GPHN: variants seen among roughly 807,000 people sequenced by gnomAD.
GPHN encodes the protein gephyrin.
In GPHN, 17 loss-of-function variants were observed where a neutral mutation model predicts 95.5. The ratio of observed to expected loss-of-function variants is 0.18; its 90% CI spans 0.12 to 0.27. The LOEUF (loss-of-function observed/expected upper bound fraction) is 0.27, where lower values mean the gene tolerates loss of function less well. GPHN is among the 10% of genes least tolerant of loss of function. The pLI, the probability that GPHN is intolerant of heterozygous loss-of-function variation, is 1.00. For synonymous variants in GPHN, 320 were observed against 322.5 expected, an observed-to-expected ratio of 0.99 and a Z score of 0.08; for missense variants, 660 against 978.1, an observed-to-expected ratio of 0.67 and a Z score of 4.34.
intron 18 of GPHN, among the ~76,000 whole-genome samples, chr14:67,144,248 A>ATATAT (rs1205670543): frequency 2.4e-3 from 149 of 62,404 alleles, no homozygotes; most frequent in South Asian, 3.8e-3. Context: ...AAAAAAAAAA[A>ATATAT]AAATATATAT....
chr14:67,049,713 A>G (rs1200086092), intron 10 of GPHN, among the ~76,000 whole-genome samples: 2 of 152,028 alleles, frequency 1.3e-5, no homozygotes, highest in Admixed American at 6.5e-5. Context: ...GGGTTTCACC[A>G]TGTTGGCCAG....
chr14:67,347,518 T>TTTTA, the GPHN span: 2 of 1,102,354 alleles, frequency 1.8e-6, no homozygotes, highest in Admixed American at 2.1e-5. Flanking sequence ...TTTTTTTTTC[T>TTTTA]GAGACGGAGT....
chr14:67,300,519 T>C, the GPHN span, among the ~76,000 whole-genome samples: 171 of 152,078 alleles, frequency 1.1e-3, no homozygotes, highest in African/African-American at 3.8e-3. Context: ...GTAGAGACAG[T>C]ATTTTGCCAT....
At chr14:66,958,938 A>G (rs560779014) in intron 8 of GPHN, among the ~76,000 whole-genome samples, 11 of 151,984 alleles carry the variant, frequency 7.2e-5, no homozygotes, top group African/African-American at 2.7e-4. Context: ...CTGTATAGAT[A>G]TTTTCTGGTG....
chr14:66,637,748 A>G lies in GPHN; in HGVS notation c.65-43359A>G, dbSNP rs564434417. Among the ~76,000 whole-genome samples the G allele has an allele frequency of 1.3e-3, 191 of 152,280 alleles. 1 individual carries two copies. The highest frequency in any genetic ancestry group is 4.4e-3 in the African/African-American group (182 of 41,580). ...TGTATAATACAGTGTAATGGGTAGA[A>G]TAATGGGAGCATGTTTAAATACAGT... On this transcript the variant is annotated intron_variant, in intron 1 of 22. Coordinates refer to ENST00000478722, the MANE Select transcript of GPHN (RefSeq NM_020806.5).
chr14:67,215,122 T>G, the GPHN span, among the ~76,000 whole-genome samples: 1 of 152,178 alleles, frequency 6.6e-6, no homozygotes, highest in Admixed American at 6.5e-5. Flanking sequence ...GAGAACCATT[T>G]CCTTAGGAGA....
At chr14:67,215,770 G>A in the GPHN span, among the ~76,000 whole-genome samples, 1 of 151,952 alleles carries the variant, frequency 6.6e-6, no homozygotes, top group Non-Finnish European at 1.5e-5. Flanking sequence ...CATTGATCAG[G>A]TCTGGTCACT....
chr14:66,816,076 A>T lies in GPHN; in HGVS notation c.202-8398A>T, dbSNP rs188243578. ...AAAAGAAAAAGAGGGGCATTAGGTA[A>T]TGGTAAAAGGTTCAAATCAACAAGA... On this transcript the variant is annotated intron_variant, in intron 3 of 22. Transcript: ENST00000478722. 1.2e-4 allele frequency among the ~76,000 whole-genome samples: 18 copies of T among 152,348 alleles called. No individual in the cohort carries two copies. In the East Asian group the frequency reaches 3.5e-3, roughly 29 times the overall value.
chr14:67,645,170 T>C, the GPHN span, among the ~76,000 whole-genome samples: 2 of 152,132 alleles, frequency 1.3e-5, no homozygotes, highest in East Asian at 3.9e-4. Context: ...ACCATTTACC[T>C]AGATTTCTTT....
chr14:67,086,040 T>G (rs2076870461), intron 11 of GPHN, among the ~76,000 whole-genome samples: 2 of 152,240 alleles, frequency 1.3e-5, no homozygotes, highest in Admixed American at 6.5e-5. Flanking sequence ...AGTCAGAATT[T>G]CCTTCCTTTT....
chr14:67,279,183 C>A, the GPHN span: 4 of 1,593,518 alleles, frequency 2.5e-6, no homozygotes, highest in Admixed American at 7.3e-5. Flanking sequence ...GACAACATCC[C>A]ATATGAATGG....
intron 12 of GPHN, among the ~76,000 whole-genome samples, chr14:67,090,651 C>T (rs1205415326): frequency 6.6e-6 from 1 of 151,992 alleles, no homozygotes; most frequent in Non-Finnish European, 1.5e-5. Flanking sequence ...TTTCCTTTTT[C>T]CTGTAATTAA....
chr14:67,373,100 G>A, the GPHN span, among the ~76,000 whole-genome samples: 5 of 152,168 alleles, frequency 3.3e-5, no homozygotes, highest in Non-Finnish European at 7.3e-5. Context: ...AATGCAGAGT[G>A]CCACATTCAC....
chr14:67,200,323 A>G, the GPHN span: 1 of 655,890 alleles, frequency 1.5e-6, no homozygotes, highest in Non-Finnish European at 2.7e-6. Flanking sequence ...CCTCTCCCTC[A>G]GTAAATTCAC....
intron 8 of GPHN, among the ~76,000 whole-genome samples, chr14:66,961,895 A>G (rs2068924615): frequency 1.5e-5 from 1 of 66,226 alleles, no homozygotes; most frequent in African/African-American, 4.3e-5. Flanking sequence ...TCTATCCCTG[A>G]ATGTGTATAT....
the GPHN span, among the ~76,000 whole-genome samples, chr14:67,329,962 T>C: frequency 6.6e-6 from 1 of 151,264 alleles, no homozygotes; most frequent in Non-Finnish European, 1.5e-5. Flanking sequence ...ACTCTGAATC[T>C]GTTCTTCTAG....
chr14:67,623,505 A>G, the GPHN span, among the ~76,000 whole-genome samples: 1 of 148,410 alleles, frequency 6.7e-6, no homozygotes, highest in South Asian at 2.1e-4. Context: ...TGGGCTTAGT[A>G]AGGACACTCA....
chr14:66,933,610 G>A (rs192654525), intron 8 of GPHN, among the ~76,000 whole-genome samples: 64 of 151,994 alleles, frequency 4.2e-4, no homozygotes, highest in African/African-American at 1.5e-3. Flanking sequence ...TTAATAATTC[G>A]GACAAGTTAC....
chr14:67,395,083 C>CT, the GPHN span, among the ~76,000 whole-genome samples: 517 of 152,264 alleles, frequency 3.4e-3, 4 homozygotes, highest in African/African-American at 0.012. Flanking sequence ...AGAAAACAGA[C>CT]TAAGACGAGA....
Sources: allele counts gnomAD v4.1 joint callset (sites outside exome capture counted in the v4.1 genomes callset), GRCh38; gene constraint gnomAD v4.1.1; transcripts MANE v1.5; gene names NCBI Gene and HGNC (gene_info 2026-07-23, HGNC 2026-07-21).